SURF4: variants seen among roughly 807,000 people sequenced by gnomAD.
SURF4 encodes the protein surfeit locus protein 4.
In SURF4, 3 loss-of-function variants were observed where a neutral mutation model predicts 30.0. The observed-to-expected ratio is 0.10, with a 90% CI of 0.05 to 0.26. SURF4 has a LOEUF of 0.26. Ranked by LOEUF, SURF4 falls within the 10% of genes least tolerant of loss-of-function variation. The probability of loss-of-function intolerance (pLI) is 1.00; values close to 1 mark genes in which losing one functional copy is unlikely to be tolerated. For missense variants in SURF4, 217 were observed against 350.8 expected, an observed-to-expected ratio of 0.62 and a Z score of 3.05; for synonymous variants, 143 against 139.9, an observed-to-expected ratio of 1.02 and a Z score of -0.16.
chr9:133,375,998 G>A lies in SURF4; in HGVS notation c.-29C>T. Reference sequence around the variant, plus strand: ...GACGGCGGGAGGCTCGGCTCGGCTCGCTCGCTCGCTCGCTGGCTCTCGCCC... The same window carrying A: ...GACGGCGGGAGGCTCGGCTCGGCTCACTCGCTCGCTCGCTGGCTCTCGCCC... On this transcript the variant is annotated 5_prime_UTR_variant, in exon 1 of 6. Coordinates refer to ENST00000371989, the MANE Select transcript of SURF4 (RefSeq NM_033161.4). 2.5e-6 allele frequency: 3 copies of A among 1,214,830 alleles called. No individual in the cohort carries two copies. 75.3% of individuals were successfully genotyped at this position (1,214,830 alleles called of 1,614,324 possible). A position where few individuals can be genotyped will look rare whatever the true frequency, so the allele number is the denominator to read the frequency against.
Position 133,361,647 on chromosome 9 carries a change from A to G in SURF4, c.*1846T>C, listed in dbSNP as rs989262590. The G allele has an allele frequency of 6.4e-6, 1 of 155,812 alleles. No homozygotes were observed. Among genetic ancestry groups the G allele is most frequent in the Non-Finnish European group, 1.4e-5 (1 of 70,290 alleles). 9.7% of individuals were successfully genotyped at this position (155,812 alleles called of 1,614,324 possible). A position where few individuals can be genotyped will look rare whatever the true frequency, so the allele number is the denominator to read the frequency against. ...ATCCCACTTATCCTCCCCTCCCTGC[A>G]AAGGCATCTTCCCGAATCAGGCCCT... On this transcript the variant is annotated 3_prime_UTR_variant, in exon 6 of 6. Transcript: ENST00000371989.
At chr9:133,371,628 T>C (rs2119163793) in intron 1 of SURF4, among the ~76,000 whole-genome samples, 1 of 152,320 alleles carries the variant, frequency 6.6e-6, no homozygotes, top group Admixed American at 6.5e-5. Flanking sequence ...CCCGTTAAGA[T>C]CATCACACAA....
intron 4 of SURF4, 72 bp from the exon 5 acceptor site, chr9:133,365,098 G>A: frequency 2.9e-6 from 4 of 1,382,822 alleles, no homozygotes; most frequent in Non-Finnish European, 1.9e-6. Flanking sequence ...CCAGGTGCAG[G>A]GAGACCTTGC....
At chr9:133,370,143 C>T (rs1193519244) in intron 1 of SURF4, among the ~76,000 whole-genome samples, 2 of 152,164 alleles carry the variant, frequency 1.3e-5, no homozygotes, top group Admixed American at 1.3e-4. Flanking sequence ...TGCTCATCTA[C>T]GTGCACAGCC....
At chr9:133,376,502 G>A, upstream of SURF4, 3 of 1,597,708 alleles carry the variant, frequency 1.9e-6, no homozygotes, top group Admixed American at 1.7e-5. Context: ...AATCGCAGGC[G>A]CCCCACGCAG....
intron 1 of SURF4, among the ~76,000 whole-genome samples, chr9:133,373,310 T>G (rs1182488416): frequency 5.9e-5 from 9 of 152,140 alleles, no homozygotes; most frequent in Admixed American, 5.9e-4. Flanking sequence ...ACAGAATACA[T>G]GATGAAGGCT....
At chr9:133,372,075 G>C (rs2130194096) in intron 1 of SURF4, among the ~76,000 whole-genome samples, 1 of 152,340 alleles carries the variant, frequency 6.6e-6, no homozygotes, top group Middle Eastern at 3.4e-3. Context: ...TGCAGGCATG[G>C]ACATTAGTTT....
intron 5 of SURF4, 87 bp downstream of exon 5, chr9:133,364,753 A>G: frequency 7.3e-7 from 1 of 1,378,310 alleles, no homozygotes; most frequent in South Asian, 1.3e-5. Context: ...GTTAATACCC[A>G]ACCAGGGAGG....
chr9:133,372,145 G>A (rs2130194768), intron 1 of SURF4, among the ~76,000 whole-genome samples: 3 of 152,220 alleles, frequency 2.0e-5, no homozygotes, highest in African/African-American at 7.2e-5. Context: ...CCAAGCTCCT[G>A]CATAGAGCAC....
At chr9:133,364,706 A>AT in intron 5 of SURF4, 134 bp downstream of exon 5, 1 of 837,892 alleles carries the variant, frequency 1.2e-6, no homozygotes, top group Non-Finnish European at 1.8e-6. Flanking sequence ...AAAAAAAAAA[A>AT]AAGTTTGCTC....
rs199918911 is a variant in SURF4, at chr9:133,364,945, G to A, written c.438C>T (p.Pro146=). 4 of 1,613,452 alleles carry A rather than the reference G, an allele frequency of 2.5e-6. No homozygotes were observed. In the Admixed American group the frequency reaches 5.0e-5, roughly 20 times the overall value. Residue 146 remains proline (P), a synonymous_variant, in exon 5 of 6, where the codon CCC becomes CCT. Coordinates refer to ENST00000371989, the MANE Select transcript of SURF4 (RefSeq NM_033161.4). ...GTTTGGGGGAGCTCTCACGCATGGT[G>A]GGGACGCCCGCAAACATGCTCTTCC... ...SEGKSMFAGV[P]TMRESSPKQY...
intron 1 of SURF4, chr9:133,372,542 T>C: frequency 1.0e-6 from 1 of 952,388 alleles, no homozygotes; most frequent in Non-Finnish European, 1.3e-6. Flanking sequence ...TTAATGTCAT[T>C]GTCATAATAC....
At chr9:133,375,454 C>T in intron 1 of SURF4, 1 of 979,046 alleles carries the variant, frequency 1.0e-6, no homozygotes, top group Non-Finnish European at 1.2e-6. Context: ...AGCGCGCCCC[C>T]TTTCCTCTGG....
intron 1 of SURF4, among the ~76,000 whole-genome samples, chr9:133,369,132 T>C (rs2130166704): frequency 6.6e-6 from 1 of 152,196 alleles, no homozygotes; most frequent in Non-Finnish European, 1.5e-5. Flanking sequence ...CACTGCAGAT[T>C]GGCTCCCATG....
chr9:133,374,646 TTCG>T (rs1437467279), intron 1 of SURF4, among the ~76,000 whole-genome samples: 2 of 152,200 alleles, frequency 1.3e-5, no homozygotes, highest in Non-Finnish European at 2.9e-5. Flanking sequence ...GAAAAAATGC[TTCG>T]TCAAGTTGAT....
intron 1 of SURF4, among the ~76,000 whole-genome samples, chr9:133,368,795 A>C (rs1441553941): frequency 1.3e-5 from 2 of 152,104 alleles, no homozygotes; most frequent in Non-Finnish European, 2.9e-5. Context: ...CTGAGATATA[A>C]AGTGAAAGAA....
At chr9:133,377,393 G>A (rs2130253817), upstream of SURF4, among the ~76,000 whole-genome samples, 30 of 152,298 alleles carry the variant, frequency 2.0e-4, no homozygotes, top group African/African-American at 4.8e-4. Flanking sequence ...GGCCGGGCTC[G>A]GTGGCTCACG....
chr9:133,364,897 C>G lies in SURF4; in HGVS notation c.486G>C (p.Arg162Ser). The G allele has an allele frequency of 6.2e-7, 1 of 1,614,066 alleles. No homozygotes were observed. The highest frequency in any genetic ancestry group is 8.5e-7 in the Non-Finnish European group (1 of 1,180,018). Residue 162 changes from arginine (R) to serine (S), a missense_variant, in exon 5 of 6, where the codon AGG (arginine) becomes AGC (serine). Coordinates refer to ENST00000371989, the MANE Select transcript of SURF4 (RefSeq NM_033161.4). ...TCATGAACATCAGAACCAGCAAGAC[C>G]CTGCCTCCGAGCTGCATGTACTGTT... Reference protein sequence around the residue: ...SPKQYMQLGGRVLLVLMFMTL... With the variant: ...SPKQYMQLGGSVLLVLMFMTL...
At chr9:133,376,132 G>A (rs1837923564), upstream of SURF4, 1 of 1,205,756 alleles carries the variant, frequency 8.3e-7, no homozygotes, top group Non-Finnish European at 1.0e-6. Context: ...CCTTAAAGGG[G>A]CCGCGCGCCG....
Sources: allele counts gnomAD v4.1 joint callset (sites outside exome capture counted in the v4.1 genomes callset), GRCh38; gene constraint gnomAD v4.1.1; transcripts MANE v1.5; gene names NCBI Gene and HGNC (gene_info 2026-07-23, HGNC 2026-07-21).